Variants in SETBP1 observed in about 807,000 individuals in gnomAD.
SETBP1 encodes SET-binding protein.
A neutral mutation model predicts 101.0 loss-of-function variants in SETBP1; 9 were observed. That is an observed-to-expected ratio of 0.09 (90% CI 0.05 to 0.16). SETBP1 has a LOEUF of 0.16. Among genes scored for constraint, SETBP1 ranks in the 10% least tolerant of loss-of-function variants. The pLI is 1.00. For synonymous variants in SETBP1, 818 were observed against 788.5 expected (o/e 1.04, Z -0.63); for missense variants, 1,858 against 2,033.8 (o/e 0.91, Z 1.66).
intron 2 of SETBP1, among the ~76,000 whole-genome samples, chr18:44,803,092 C>T (rs1359047054): frequency 6.6e-6 from 1 of 152,040 alleles, no homozygotes; most frequent in East Asian, 1.9e-4. Flanking sequence ...GAGAACACAC[C>T]ATATAAGGTA....
chr18:45,029,936 T>TACA (rs2073254618), intron 4 of SETBP1, among the ~76,000 whole-genome samples: 1 of 150,880 alleles, frequency 6.6e-6, no homozygotes, highest in African/African-American at 2.4e-5. Flanking sequence ...TTTCTAGATA[T>TACA]ACAATCATGT....
chr18:44,688,196 A>G (rs1479035123), intron 1 of SETBP1, among the ~76,000 whole-genome samples: 1 of 152,240 alleles, frequency 6.6e-6, no homozygotes, highest in Non-Finnish European at 1.5e-5. Flanking sequence ...CAATATTGTT[A>G]GCCAAATTTA....
At chr18:44,849,783 A>G (rs1012906445) in intron 2 of SETBP1, among the ~76,000 whole-genome samples, 2 of 152,336 alleles carry the variant, frequency 1.3e-5, no homozygotes, top group Admixed American at 1.3e-4. Context: ...CATACCTTCA[A>G]AATGGAATTA....
chr18:44,851,175 G>A (rs2072853165), intron 2 of SETBP1, among the ~76,000 whole-genome samples: 1 of 152,118 alleles, frequency 6.6e-6, no homozygotes, highest in South Asian at 2.1e-4. Flanking sequence ...TTCAACCCAA[G>A]AGCCATCTGA....
At chr18:44,784,713 A>G (rs897344448) in intron 2 of SETBP1, among the ~76,000 whole-genome samples, 1 of 152,224 alleles carries the variant, frequency 6.6e-6, no homozygotes, top group African/African-American at 2.4e-5. Context: ...TGCTTTGCAC[A>G]TAGTAGGAGG....
intron 2 of SETBP1, among the ~76,000 whole-genome samples, chr18:44,793,930 A>G (rs988842717): frequency 2.0e-5 from 3 of 152,224 alleles, no homozygotes; most frequent in African/African-American, 2.4e-5. Context: ...TGATATACTT[A>G]CAGTACAGAA....
chr18:44,768,282 G>A (rs1178162268), intron 2 of SETBP1, among the ~76,000 whole-genome samples: 1 of 152,116 alleles, frequency 6.6e-6, no homozygotes, highest in East Asian at 1.9e-4. Context: ...TTTCATTTAT[G>A]TTACATATTG....
chr18:45,020,422 C>T (rs188249101), intron 4 of SETBP1, among the ~76,000 whole-genome samples: 3 of 152,212 alleles, frequency 2.0e-5, no homozygotes, highest in Admixed American at 2.0e-4. Context: ...CAGGCCTTTC[C>T]ATGCCCAAAA....
At chr18:45,000,102 T>C (rs1347063703) in intron 4 of SETBP1, among the ~76,000 whole-genome samples, 1 of 152,248 alleles carries the variant, frequency 6.6e-6, no homozygotes, top group African/African-American at 2.4e-5. Flanking sequence ...AACCTCCTCA[T>C]TGGCATGAAT....
intron 2 of SETBP1, among the ~76,000 whole-genome samples, chr18:44,833,608 T>C (rs1354401667): frequency 6.6e-6 from 1 of 152,200 alleles, no homozygotes; most frequent in Non-Finnish European, 1.5e-5. Flanking sequence ...CAGAGAGCAA[T>C]GCCTTCGAGG....
intron 3 of SETBP1, among the ~76,000 whole-genome samples, chr18:44,943,787 G>C (rs2071138701): frequency 6.6e-6 from 1 of 152,030 alleles, no homozygotes; most frequent in South Asian, 2.1e-4. Context: ...GAATCCCACA[G>C]TGGGAGGTCA....
chr18:45,005,252 TTTCAAACCA>T (rs763501424), intron 4 of SETBP1, among the ~76,000 whole-genome samples: 3 of 152,194 alleles, frequency 2.0e-5, no homozygotes, highest in Non-Finnish European at 1.5e-5. Flanking sequence ...TTAAGGTGCT[TTTCAAACCA>T]TTCTTAGACT....
At chr18:44,984,336 A>G (rs1182418387) in intron 4 of SETBP1, among the ~76,000 whole-genome samples, 1 of 152,152 alleles carries the variant, frequency 6.6e-6, no homozygotes, top group Admixed American at 6.5e-5. Context: ...TCAGGAAGAA[A>G]CTGTTCCACC....
chr18:44,861,548 C>CTGAT (rs2069012982), intron 2 of SETBP1, among the ~76,000 whole-genome samples: 1 of 152,016 alleles, frequency 6.6e-6, no homozygotes, highest in Non-Finnish European at 1.5e-5. Context: ...CATGGACAAC[C>CTGAT]TGATAGAGCT....
chr18:44,885,857 C>CA (rs1555696149), intron 3 of SETBP1, among the ~76,000 whole-genome samples: 1 of 78,166 alleles, frequency 1.3e-5, no homozygotes, highest in African/African-American at 5.8e-5. Flanking sequence ...AAAAAAAAAA[C>CA]AAAAAAAAAA....
chr18:44,857,198 T>C (rs1281422840), intron 2 of SETBP1, among the ~76,000 whole-genome samples: 2 of 152,242 alleles, frequency 1.3e-5, no homozygotes, highest in Non-Finnish European at 2.9e-5. Flanking sequence ...GATGAGGGCA[T>C]GGCTCTTCCT....
chr18:44,704,471 G>C (rs1228859588), intron 2 of SETBP1, among the ~76,000 whole-genome samples: 1 of 152,166 alleles, frequency 6.6e-6, no homozygotes, highest in East Asian at 1.9e-4. Context: ...TTAGAAGCTT[G>C]CTTCATATGG....
intron 2 of SETBP1, among the ~76,000 whole-genome samples, chr18:44,705,070 A>G (rs2069190698): frequency 6.6e-6 from 1 of 152,158 alleles, no homozygotes; most frequent in Non-Finnish European, 1.5e-5. Context: ...ATATGTGCTG[A>G]CTTTGAGCTG....
chr18:45,060,943 C>T (rs2073881088), intron 5 of SETBP1, among the ~76,000 whole-genome samples: 1 of 152,148 alleles, frequency 6.6e-6, no homozygotes, highest in Non-Finnish European at 1.5e-5. Flanking sequence ...TTACTTTATA[C>T]TTCTATATTA....
Sources: gnomAD v4.1 joint callset for allele counts (sites outside exome capture counted in the v4.1 genomes callset) on GRCh38, gnomAD v4.1.1 for gene constraint, MANE v1.5 for transcripts, NCBI Gene and HGNC (gene_info 2026-07-23, HGNC 2026-07-21) for gene names.